Variants in CACNA1A observed in about 807,000 individuals in gnomAD.
CACNA1A encodes the protein calcium voltage-gated channel subunit alpha1 A.
A neutral mutation model predicts 262.4 loss-of-function variants in CACNA1A; 57 were observed. That is an observed-to-expected ratio of 0.22 (90% confidence interval 0.18 to 0.27). The LOEUF (loss-of-function observed/expected upper bound fraction) is 0.27. Ranked by LOEUF, CACNA1A falls within the 10% of genes least tolerant of loss-of-function variation. The pLI is 1.00. For missense variants in CACNA1A, 2,526 were observed against 3,562.8 expected (o/e 0.71, Z 7.41); for synonymous variants, 1,431 against 1,419.3 (o/e 1.01, Z -0.18).
intron 1 of CACNA1A, among the ~76,000 whole-genome samples, chr19:13,466,728 C>T (rs746357542): frequency 1.3e-5 from 2 of 151,866 alleles, no homozygotes; most frequent in Non-Finnish European, 2.9e-5. Context: ...CATCTGACCA[C>T]GCATCCTTGT....
At chr19:13,268,590 G>C (rs554306413) in intron 24 of CACNA1A, among the ~76,000 whole-genome samples, 1 of 151,756 alleles carries the variant, frequency 6.6e-6, no homozygotes, top group Non-Finnish European at 1.5e-5. Flanking sequence ...CCACCACCAC[G>C]CCCAGCTAAT....
chr19:13,361,351 A>T (rs957340151), intron 5 of CACNA1A, among the ~76,000 whole-genome samples: 3 of 152,150 alleles, frequency 2.0e-5, no homozygotes, highest in Non-Finnish European at 4.4e-5. Flanking sequence ...GTCAGTCCAA[A>T]TCTTAAGGTA....
chr19:13,267,148 AAGAG>A (rs148455698), intron 24 of CACNA1A, among the ~76,000 whole-genome samples: 1 of 151,122 alleles, frequency 6.6e-6, no homozygotes, highest in Non-Finnish European at 1.5e-5. Context: ...GAGAGAGAGA[AAGAG>A]AGAGAGAGAG....
chr19:13,360,434 T>C (rs139995205), intron 5 of CACNA1A, among the ~76,000 whole-genome samples: 29 of 151,932 alleles, frequency 1.9e-4, no homozygotes, highest in African/African-American at 7.0e-4. Context: ...TTTCATCTAT[T>C]CCTCTGTATC....
chr19:13,232,425 G>C (rs2055698181), intron 34 of CACNA1A, among the ~76,000 whole-genome samples: 1 of 151,832 alleles, frequency 6.6e-6, no homozygotes, highest in Non-Finnish European at 1.5e-5. Flanking sequence ...GCTGGTCACT[G>C]TTATGCTTTA....
At chr19:13,399,394 GAGAAGAAGA>G (rs74375569) in intron 3 of CACNA1A, among the ~76,000 whole-genome samples, 3,286 of 143,528 alleles carry the variant, frequency 0.023, 103 homozygotes, top group African/African-American at 0.073. Context: ...ATCCAAAAAT[GAGAAGAAGA>G]AGAAGAAGAA....
intron 2 of CACNA1A, among the ~76,000 whole-genome samples, chr19:13,454,455 C>T (rs144666963): frequency 1.3e-3 from 202 of 152,152 alleles, no homozygotes; most frequent in African/African-American, 4.8e-3. Flanking sequence ...ACTGCAACCT[C>T]TGCCTCCCGG....
intron 17 of CACNA1A, among the ~76,000 whole-genome samples, chr19:13,300,944 T>G (rs1043874678): frequency 6.6e-6 from 1 of 151,990 alleles, no homozygotes; most frequent in Non-Finnish European, 1.5e-5. Flanking sequence ...CAGCCTATTT[T>G]TTTTTCTTTT....
chr19:13,376,811 TTA>T (rs1246091758), intron 3 of CACNA1A, among the ~76,000 whole-genome samples: 8 of 76,088 alleles, frequency 1.1e-4, no homozygotes, highest in Middle Eastern at 8.3e-3. Context: ...ATAATATATG[TTA>T]TGTGTGATAT....
intron 3 of CACNA1A, among the ~76,000 whole-genome samples, chr19:13,426,200 T>C (rs1260161139): frequency 6.6e-6 from 1 of 152,240 alleles, no homozygotes; most frequent in Non-Finnish European, 1.5e-5. Flanking sequence ...ATAACAATTT[T>C]AGATACTTAA....
chr19:13,249,185 A>T (rs995791404), intron 30 of CACNA1A, among the ~76,000 whole-genome samples: 4 of 152,096 alleles, frequency 2.6e-5, no homozygotes, highest in African/African-American at 9.7e-5. Flanking sequence ...GGCTGGTCTG[A>T]AACGCCTGGG....
rs1429159355 is a variant in CACNA1A at position 13,208,773 on chromosome 19, G to T, written c.6763C>A (p.His2255Asn). Residue 2255 changes from histidine (H) to asparagine (N), a missense_variant, in exon 46 of 47, where the codon CAC (histidine) becomes AAC (asparagine). By Grantham distance (68) the His-to-Asn change is moderately conservative (BLOSUM62 1). This residue lies in a region of CACNA1A where 929 missense variants were observed against 868.1 expected (regional missense o/e 1.07). Coordinates refer to ENST00000360228, the MANE Select transcript of CACNA1A (RefSeq NM_001127222.2). ...WSRSPSEGRE[H>N]MAHRQGSSSV... ...GCACCCACCTGCCGGTGCGCCATGT[G>T]CTCTCGGCCCTCGCTGGGCGAGCGG... The T allele has an allele frequency of 6.4e-7, 1 of 1,574,768 alleles. No homozygotes were observed. The highest frequency in any genetic ancestry group is 1.1e-5 in the South Asian group (1 of 88,380).
intron 37 of CACNA1A, chr19:13,226,219 A>G (rs2055433775): frequency 7.8e-6 from 1 of 128,862 alleles, no homozygotes; most frequent in African/African-American, 3.0e-5. Flanking sequence ...ACATTCATCT[A>G]AGCAGAGACT....
At chr19:13,330,718 G>A (rs533557328) in intron 9 of CACNA1A, among the ~76,000 whole-genome samples, 3 of 152,302 alleles carry the variant, frequency 2.0e-5, no homozygotes, top group Non-Finnish European at 2.9e-5. Flanking sequence ...AGCCTCCTGA[G>A]TAGCTGAGAC....
chr19:13,302,510 G>T (rs1043254336), intron 17 of CACNA1A, among the ~76,000 whole-genome samples: 2 of 152,212 alleles, frequency 1.3e-5, no homozygotes, highest in South Asian at 2.1e-4. Flanking sequence ...TTAAAAACAC[G>T]TATTAAATGA....
intron 1 of CACNA1A, among the ~76,000 whole-genome samples, chr19:13,490,279 G>A (rs1287562507): frequency 6.6e-6 from 1 of 152,150 alleles, no homozygotes; most frequent in African/African-American, 2.4e-5. Context: ...GTTAAGATTA[G>A]GTAGCTTCCC....
intron 3 of CACNA1A, among the ~76,000 whole-genome samples, chr19:13,387,482 C>T (rs1300518394): frequency 6.6e-6 from 1 of 152,146 alleles, no homozygotes; most frequent in East Asian, 1.9e-4. Flanking sequence ...GTGGTGCCTG[C>T]GTGCTACGTC....
chr19:13,451,279 A>AAT (rs2060909535), intron 3 of CACNA1A: 1 of 152,330 alleles, frequency 6.6e-6, no homozygotes, highest in Non-Finnish European at 1.5e-5. Context: ...CGGCCAGCAC[A>AAT]GTGTGGGTGC....
intron 24 of CACNA1A, among the ~76,000 whole-genome samples, chr19:13,269,644 G>A (rs1444457592): frequency 6.6e-6 from 1 of 152,222 alleles, no homozygotes; most frequent in Non-Finnish European, 1.5e-5. Flanking sequence ...ATCATGATCT[G>A]CCAGCTGCTG....
Sources: allele counts gnomAD v4.1 joint callset (sites outside exome capture counted in the v4.1 genomes callset), GRCh38; gene constraint gnomAD v4.1.1; regional missense constraint gnomAD v4.1.1; transcripts MANE v1.5; gene names NCBI Gene and HGNC (gene_info 2026-07-23, HGNC 2026-07-21).